MLLT3: variants seen among roughly 807,000 people sequenced by gnomAD.
MLLT3 encodes MLLT3 super elongation complex subunit, also known as protein AF-9.
A neutral mutation model predicts 53.2 loss-of-function variants in MLLT3; 4 were observed. That is an observed-to-expected ratio of 0.08 (90% CI 0.04 to 0.17). The LOEUF is 0.17. Among genes scored for constraint, MLLT3 ranks in the 10% least tolerant of loss-of-function variants. The probability of loss-of-function intolerance (pLI) is 1.00; values close to 1 mark genes in which losing one functional copy is unlikely to be tolerated. For synonymous variants in MLLT3, 283 were observed against 230.6 expected (o/e 1.23, Z -2.06); for missense variants, 569 against 684.0 (o/e 0.83, Z 1.87).
rs1473913374 is a variant in MLLT3, at chr9:20,621,300, G to A, written c.13-466C>T. On this transcript the variant is annotated intron_variant, in intron 1 of 10. Transcript: ENST00000380338. This position sits in a 1 kb window ranked among gnomAD's most constrained non-coding sequence, Gnocchi z 7.0. ...GCGGCGACAGGCACACGCCGAGGAA[G>A]TCTTTGTGTACGTGTGTGTGCGTGC... Among the ~76,000 whole-genome samples the A allele has an allele frequency of 1.3e-5, 2 of 152,216 alleles. No homozygotes were observed. Among genetic ancestry groups the A allele is most frequent in the African/African-American group, 4.8e-5 (2 of 41,464 alleles).
intron 1 of MLLT3, 63 bp downstream of exon 1, chr9:20,622,182 G>A (rs1821038658): frequency 2.0e-6 from 3 of 1,509,458 alleles, no homozygotes; most frequent in Non-Finnish European, 2.7e-6. Flanking sequence ...CTGGGCTGCG[G>A]CGGCGCAGGG....
intron 2 of MLLT3, among the ~76,000 whole-genome samples, chr9:20,551,905 C>A (rs1039088533): frequency 3.9e-5 from 6 of 152,186 alleles, no homozygotes; most frequent in African/African-American, 1.4e-4. Flanking sequence ...GTTGTTAAGT[C>A]TTCATTCAAC....
chr9:20,540,672 C>G (rs1818607710), intron 2 of MLLT3, among the ~76,000 whole-genome samples: 1 of 152,216 alleles, frequency 6.6e-6, no homozygotes, highest in Non-Finnish European at 1.5e-5. Flanking sequence ...AACCATTTTT[C>G]CCTCCTAGGC....
At chr9:20,411,715 C>G (rs1216853655) in intron 5 of MLLT3, 1 of 152,006 alleles carries the variant, frequency 6.6e-6, no homozygotes, top group Non-Finnish European at 1.5e-5. Context: ...ATAAATACAT[C>G]AAATTGAACA....
At chr9:20,404,445 G>A (rs570137805) in intron 5 of MLLT3, among the ~76,000 whole-genome samples, 53 of 152,288 alleles carry the variant, frequency 3.5e-4, no homozygotes, top group Admixed American at 1.2e-3. Context: ...ATAATAAGGT[G>A]AGCATTACTA....
rs565159238 is a variant in MLLT3 at position 20,453,553 on chromosome 9, A to AC, written c.276+3150dup. ...ACTCCAGCCTGGGTGACAGAGTGAA[A>AC]CCCCACCAAAACAAAACAAAACCAA... On this transcript the variant is annotated intron_variant, in intron 3 of 10. Coordinates refer to ENST00000380338, the MANE Select transcript of MLLT3 (RefSeq NM_004529.4). Among the ~76,000 whole-genome samples, 49 of 152,144 alleles carry AC rather than the reference A, an allele frequency of 3.2e-4. 1 individual carries two copies. Among genetic ancestry groups the AC allele is most frequent in the Middle Eastern group, 6.8e-3 (2 of 294 alleles).
intron 5 of MLLT3, among the ~76,000 whole-genome samples, chr9:20,366,444 C>T (rs981658990): frequency 8.5e-5 from 13 of 152,192 alleles, no homozygotes; most frequent in Non-Finnish European, 1.3e-4. Context: ...CAGTCTATCA[C>T]TGATGGGCAT....
intron 4 of MLLT3, among the ~76,000 whole-genome samples, chr9:20,440,271 T>C (rs546367940): frequency 1.3e-5 from 2 of 152,300 alleles, no homozygotes; most frequent in East Asian, 3.9e-4. Context: ...TGTTATACCA[T>C]GGCTATATCC....
At chr9:20,559,186 T>TATAATA (rs1819137902) in intron 2 of MLLT3, among the ~76,000 whole-genome samples, 1 of 152,236 alleles carries the variant, frequency 6.6e-6, no homozygotes, top group African/African-American at 2.4e-5. Flanking sequence ...AGTTATACTT[T>TATAATA]ATAATACGAT....
intron 5 of MLLT3, among the ~76,000 whole-genome samples, chr9:20,380,825 G>A: frequency 6.6e-6 from 1 of 151,942 alleles, no homozygotes; most frequent in East Asian, 1.9e-4. Flanking sequence ...CTGGCTGCTG[G>A]AAACTTGAAA....
rs566276446 is a variant in MLLT3, at chr9:20,543,084, G to C, written c.193+77570C>G. ...GATTTAGGGCCTTGCTCTGGATTAG[G>C]CTTTGGCTCAAGGGAAAATTGTGGC... On this transcript the variant is annotated intron_variant, in intron 2 of 10. Coordinates refer to ENST00000380338, the MANE Select transcript of MLLT3 (RefSeq NM_004529.4). 2.0e-5 allele frequency among the ~76,000 whole-genome samples: 3 copies of C among 152,322 alleles called. No homozygotes were observed. In the South Asian group the frequency reaches 6.2e-4, roughly 32 times the overall value.
chr9:20,524,899 G>A (rs1818159566), intron 2 of MLLT3, among the ~76,000 whole-genome samples: 1 of 152,088 alleles, frequency 6.6e-6, no homozygotes, highest in South Asian at 2.1e-4. Flanking sequence ...AAAGACAAAT[G>A]CTAAATCCTT....
chr9:20,584,703 A>T (rs1819903208), intron 2 of MLLT3, among the ~76,000 whole-genome samples: 1 of 152,218 alleles, frequency 6.6e-6, no homozygotes, highest in South Asian at 2.1e-4. Flanking sequence ...ACCAGGCCCC[A>T]AGATTCAATT....
intron 2 of MLLT3, among the ~76,000 whole-genome samples, chr9:20,566,066 T>TTTG (rs1819369305): frequency 1.5e-5 from 1 of 66,318 alleles, no homozygotes; most frequent in African/African-American, 3.7e-5. Context: ...ATATATATAT[T>TTTG]TGTGTATATA....
At chr9:20,510,700 A>C (rs1301883543) in intron 2 of MLLT3, among the ~76,000 whole-genome samples, 2 of 151,966 alleles carry the variant, frequency 1.3e-5, no homozygotes, top group East Asian at 3.8e-4. Flanking sequence ...GGAAATGTAC[A>C]TTTTCATACA....
At position 20,344,836 on chromosome 9, in the gene MLLT3, A is replaced by C; in HGVS notation, c.*1607T>G. On this transcript the variant is annotated 3_prime_UTR_variant, in exon 11 of 11. Coordinates refer to ENST00000380338, the MANE Select transcript of MLLT3 (RefSeq NM_004529.4). ...ACAGACACTAGTTAATCTCTGTATG[A>C]AAAGACAGCATCTGGCATGGGAACA... 1 of 210,774 alleles carries C rather than the reference A, an allele frequency of 4.7e-6. No homozygotes were observed. 13.1% of individuals were successfully genotyped at this position (210,774 alleles called of 1,614,324 possible).
At position 20,522,814 on chromosome 9, in the gene MLLT3, C is replaced by G. The variant is rs980010077; in HGVS notation, c.194-66028G>C. On this transcript the variant is annotated intron_variant, in intron 2 of 10. Coordinates refer to ENST00000380338, the MANE Select transcript of MLLT3 (RefSeq NM_004529.4). ...CAGTGCAGTAGCTAACACCTCTAAT[C>G]TCAGCATGTGGTGGTGCGTGCCTGT... 5.3e-5 allele frequency among the ~76,000 whole-genome samples: 8 copies of G among 152,174 alleles called. 1 individual carries two copies. Among genetic ancestry groups the G allele is most frequent in the Middle Eastern group, 3.4e-3 (1 of 294 alleles).
rs78274020 is a variant in MLLT3, at chr9:20,585,789, G to C, written c.193+34865C>G. The stretch of plus-strand genomic sequence containing the variant: ...GGTCATCTTGGAGCATGATCACCAG[G>C]ACTGCTTATTAGAAATGCAGAAGAT... On this transcript the variant is annotated intron_variant, in intron 2 of 10. Transcript: ENST00000380338. Among the ~76,000 whole-genome samples the C allele has an allele frequency of 9.8e-3, 1,493 of 152,242 alleles. 14 individuals are homozygous for C. The highest frequency in any genetic ancestry group is 0.016 in the Non-Finnish European group (1,062 of 68,004).
intron 2 of MLLT3, among the ~76,000 whole-genome samples, chr9:20,567,550 C>A (rs2131160013): frequency 6.6e-6 from 1 of 152,094 alleles, no homozygotes; most frequent in South Asian, 2.1e-4. Flanking sequence ...TTTAATTTGG[C>A]TTATCATCAC....
Sources: gnomAD v4.1 joint callset for allele counts (sites outside exome capture counted in the v4.1 genomes callset) on GRCh38, gnomAD v4.1.1 for gene constraint, Gnocchi (gnomAD v3.1) non-coding constraint, MANE v1.5 for transcripts, NCBI Gene and HGNC (gene_info 2026-07-23, HGNC 2026-07-21) for gene names.